The following ST18 variants were observed in gnomAD, a reference collection of about 807,000 sequenced individuals.
ST18 encodes the protein suppression of tumorigenicity 18 protein.
A neutral mutation model predicts 110.0 loss-of-function variants in ST18; 50 were observed. That is an observed-to-expected ratio of 0.45 (90% CI 0.36 to 0.58). ST18 has a LOEUF of 0.58. Among genes scored for constraint, ST18 ranks in the 20% least tolerant of loss-of-function variants. The pLI, the probability that ST18 is intolerant of heterozygous loss-of-function variation, is 0.00. For missense variants in ST18, 1,306 were observed against 1,280.1 expected (o/e 1.02, Z -0.31); for synonymous variants, 461 against 452.4 (o/e 1.02, Z -0.24).
chr8:52,315,886 C>T (rs910011890), intron 2 of ST18, among the ~76,000 whole-genome samples: 1 of 152,252 alleles, frequency 6.6e-6, no homozygotes, highest in South Asian at 2.1e-4. Context: ...AAGAAAAAAG[C>T]CTCCTTATGA....
At chr8:52,198,673 A>T (rs12548305) in intron 8 of ST18, among the ~76,000 whole-genome samples, 36,407 of 152,164 alleles carry the variant, frequency 0.24, 5,443 homozygotes, top group African/African-American at 0.42. Flanking sequence ...TATGTGTAAT[A>T]TCTCTATGTG....
intron 8 of ST18, chr8:52,194,279 G>C (rs2075510185): frequency 6.6e-6 from 1 of 152,218 alleles, no homozygotes; most frequent in African/African-American, 2.4e-5. Context: ...CACACTGGGT[G>C]AATAGACCTT....
intron 2 of ST18, among the ~76,000 whole-genome samples, chr8:52,372,128 G>A (rs935626926): frequency 6.6e-6 from 1 of 152,156 alleles, no homozygotes; most frequent in Non-Finnish European, 1.5e-5. Flanking sequence ...TGTGGAGGTG[G>A]AAGATAGTGA....
chr8:52,189,390 G>A (rs79573866), intron 8 of ST18, among the ~76,000 whole-genome samples: 1,726 of 152,262 alleles, frequency 0.011, 28 homozygotes, highest in African/African-American at 0.04. Context: ...ACACTAATCA[G>A]TGATTCCAGA....
intron 16 of ST18, among the ~76,000 whole-genome samples, chr8:52,146,158 T>G (rs954630927): frequency 2.0e-5 from 3 of 152,108 alleles, no homozygotes; most frequent in Non-Finnish European, 4.4e-5. Context: ...TATTCCAGTC[T>G]CCAAATGTGA....
chr8:52,370,873 T>C (rs571388616), intron 2 of ST18, among the ~76,000 whole-genome samples: 1 of 152,376 alleles, frequency 6.6e-6, no homozygotes, highest in Admixed American at 6.5e-5. Flanking sequence ...ATGTGTGTAC[T>C]GAAATAAGCC....
chr8:52,247,081 G>A (rs569559468), intron 2 of ST18, among the ~76,000 whole-genome samples: 4 of 152,210 alleles, frequency 2.6e-5, no homozygotes, highest in Admixed American at 2.6e-4. Context: ...TCTTAGATGG[G>A]GATCCTTAGG....
At chr8:52,121,998 A>ATG (rs2045056837) in intron 23 of ST18, among the ~76,000 whole-genome samples, 2 of 152,182 alleles carry the variant, frequency 1.3e-5, no homozygotes, top group South Asian at 4.1e-4. Flanking sequence ...GGCGTACGCC[A>ATG]CCATGCCCAG....
chr8:52,244,576 C>A (rs149145019), intron 2 of ST18, among the ~76,000 whole-genome samples: 1 of 152,288 alleles, frequency 6.6e-6, no homozygotes, highest in East Asian at 1.9e-4. Context: ...CAGAAAATAA[C>A]TTCCTCTACC....
chr8:52,134,597 C>A (rs140529533), intron 19 of ST18, among the ~76,000 whole-genome samples: 2 of 128,602 alleles, frequency 1.6e-5, no homozygotes, highest in East Asian at 3.9e-4. Flanking sequence ...AAATAGGGAA[C>A]AAATTGCCTT....
chr8:52,357,703 A>ATATG (rs1322282978), intron 2 of ST18, among the ~76,000 whole-genome samples: 1 of 106,836 alleles, frequency 9.4e-6, no homozygotes, highest in Non-Finnish European at 1.9e-5. Flanking sequence ...ATATATATAT[A>ATATG]TATATATATA....
At chr8:52,307,344 C>G (rs1052470036) in intron 2 of ST18, among the ~76,000 whole-genome samples, 2 of 152,176 alleles carry the variant, frequency 1.3e-5, no homozygotes, top group Non-Finnish European at 2.9e-5. Flanking sequence ...GTGAACAAAA[C>G]TCGGTCTTTT....
intron 2 of ST18, among the ~76,000 whole-genome samples, chr8:52,331,376 T>A (rs1014704538): frequency 6.6e-6 from 1 of 151,884 alleles, no homozygotes; most frequent in Non-Finnish European, 1.5e-5. Context: ...TGCACACACA[T>A]ATATCTCCTA....
chr8:52,205,842 A>G (rs551945206), intron 8 of ST18, among the ~76,000 whole-genome samples: 8 of 152,346 alleles, frequency 5.3e-5, no homozygotes, highest in African/African-American at 1.9e-4. Context: ...TGCTGGGATT[A>G]CAGGGATGAG....
rs577470513 is a variant in ST18 at position 52,161,685 on chromosome 8, T to C, written c.1401-117A>G. On this transcript the variant is annotated intron_variant, in intron 13 of 25. Coordinates refer to ENST00000689386, the MANE Select transcript of ST18 (RefSeq NM_001352837.2). Reference sequence around the variant, plus strand: ...CTCCTGAAGGTATCCACAGAGACACTGAACAATAAGAGAGACGGGGCCATG... The same window carrying C: ...CTCCTGAAGGTATCCACAGAGACACCGAACAATAAGAGAGACGGGGCCATG... 77 of 1,186,646 alleles carry C rather than the reference T, an allele frequency of 6.5e-5. 1 individual carries two copies. Among genetic ancestry groups the C allele is most frequent in the Non-Finnish European group, 9.4e-6 (8 of 847,980 alleles). The allele number at this position is 1,186,646 out of a possible 1,614,324, so 73.5% of individuals were successfully genotyped here. A position where few individuals can be genotyped will look rare whatever the true frequency, so the allele number is the denominator to read the frequency against.
rs1398587541 is a variant in ST18 at position 52,146,092 on chromosome 8, C to T, written c.2053-3047G>A. 3.9e-5 allele frequency among the ~76,000 whole-genome samples: 6 copies of T among 152,136 alleles called. No homozygotes were observed. The East Asian group carries it at 5.8e-4, about 15-fold the overall frequency. ...TGGTTGTGTATGTGTCTTATGTGGT[C>T]GGGGGAGAGGGAAGTGGCAAAGGGA... On this transcript the variant is annotated intron_variant, in intron 16 of 25. Transcript: ENST00000689386.
At chr8:52,388,844 T>G (rs1361927173) in intron 2 of ST18, among the ~76,000 whole-genome samples, 1 of 145,598 alleles carries the variant, frequency 6.9e-6, no homozygotes, top group Non-Finnish European at 1.5e-5. Flanking sequence ...AGGGATAGCT[T>G]TAGGAGATAT....
intron 2 of ST18, among the ~76,000 whole-genome samples, chr8:52,267,548 T>C (rs1233147875): frequency 6.7e-6 from 1 of 148,994 alleles, no homozygotes; most frequent in Non-Finnish European, 1.5e-5. Flanking sequence ...GTGCTGACAG[T>C]GTCCTCGGAA....
At chr8:52,364,408 A>G (rs774043709) in intron 2 of ST18, among the ~76,000 whole-genome samples, 10 of 152,172 alleles carry the variant, frequency 6.6e-5, no homozygotes, top group South Asian at 4.1e-4. Context: ...TGCATTCCAT[A>G]TCTTTGATAT....
Sources: allele counts gnomAD v4.1 joint callset (sites outside exome capture counted in the v4.1 genomes callset), GRCh38; gene constraint gnomAD v4.1.1; transcripts MANE v1.5; gene names NCBI Gene and HGNC (gene_info 2026-07-23, HGNC 2026-07-21).